Variants in ZNF346 observed in about 807,000 individuals in gnomAD.
The protein encoded by ZNF346 is double-stranded RNA-binding zinc finger protein JAZ.
In ZNF346, 23 loss-of-function variants were observed where a neutral mutation model predicts 33.7. That is an observed-to-expected ratio of 0.68 (90% CI 0.49 to 0.97). ZNF346 has a LOEUF of 0.97. Among genes scored for constraint, ZNF346 ranks in the 50% least tolerant of loss-of-function variants. The pLI is 0.00. For missense variants in ZNF346, 340 were observed against 371.1 expected (o/e 0.92, Z 0.69); for synonymous variants, 134 against 142.4 (o/e 0.94, Z 0.42).
intron 8 of ZNF346, among the ~76,000 whole-genome samples, chr5:177,076,836 T>C (rs1035545666): frequency 5.9e-5 from 9 of 151,746 alleles, no homozygotes; most frequent in African/African-American, 2.2e-4. Flanking sequence ...AGGTCAGGAG[T>C]TTGAGACCAT....
intron 5 of ZNF346, among the ~76,000 whole-genome samples, chr5:177,059,447 C>T (rs1664189726): frequency 6.6e-6 from 1 of 152,200 alleles, no homozygotes; most frequent in Non-Finnish European, 1.5e-5. Context: ...GGGGCAAATG[C>T]ATCATCTACC....
chr5:177,031,755 C>A (rs577687819), intron 1 of ZNF346, among the ~76,000 whole-genome samples: 1 of 152,136 alleles, frequency 6.6e-6, no homozygotes, highest in Admixed American at 6.6e-5. Flanking sequence ...TGAAGTTTTT[C>A]CATAATCTCT....
intron 6 of ZNF346, among the ~76,000 whole-genome samples, chr5:177,062,953 T>C (rs1245981541): frequency 6.6e-6 from 1 of 152,202 alleles, no homozygotes; most frequent in Non-Finnish European, 1.5e-5. Context: ...AGAAGTAGGC[T>C]ATGGCACCAC....
At chr5:177,024,157 TACACACACACAC>T (rs144403449) in intron 1 of ZNF346, among the ~76,000 whole-genome samples, 1 of 121,360 alleles carries the variant, frequency 8.2e-6, no homozygotes, top group South Asian at 2.6e-4. Context: ...ATTTTATGTA[TACACACACACAC>T]ACACACACAC....
intron 1 of ZNF346, among the ~76,000 whole-genome samples, chr5:177,027,677 C>CTATT (rs1363052887): frequency 2.9e-5 from 4 of 135,984 alleles, no homozygotes; most frequent in African/African-American, 8.0e-5. Context: ...TTTAAATTCT[C>CTATT]TATTTATTTA....
intron 1 of ZNF346, 80 bp downstream of exon 1, chr5:177,022,993 C>T (rs1776052150): frequency 1.4e-6 from 2 of 1,440,054 alleles, no homozygotes; most frequent in Non-Finnish European, 1.8e-6. Context: ...CCGACGGTCA[C>T]ACCCCCTGGC....
chr5:177,037,898 G>C (rs1400346612), intron 1 of ZNF346, among the ~76,000 whole-genome samples: 1 of 152,066 alleles, frequency 6.6e-6, no homozygotes, highest in Non-Finnish European at 1.5e-5. Context: ...GCCTCATGCT[G>C]TCTCTCCAAC....
intron 1 of ZNF346, among the ~76,000 whole-genome samples, chr5:177,035,935 G>A (rs6875788): frequency 0.13 from 19,854 of 151,650 alleles, 3,064 homozygotes; most frequent in African/African-American, 0.37. Context: ...TACCGCACCC[G>A]GCCTAATTGA....
chr5:177,069,808 C>T (rs539268303), downstream of ZNF346, among the ~76,000 whole-genome samples: 17 of 152,230 alleles, frequency 1.1e-4, no homozygotes, highest in African/African-American at 3.1e-4. Context: ...ACTACAGGCA[C>T]ATGCCACCAT....
At chr5:177,025,877 A>T (rs1158306200) in intron 1 of ZNF346, among the ~76,000 whole-genome samples, 4 of 152,254 alleles carry the variant, frequency 2.6e-5, no homozygotes, top group African/African-American at 9.6e-5. Flanking sequence ...AGTTTTGATG[A>T]GATTAAATTT....
intron 5 of ZNF346, among the ~76,000 whole-genome samples, chr5:177,052,138 C>T (rs1040373233): frequency 1.3e-5 from 2 of 151,908 alleles, no homozygotes; most frequent in Non-Finnish European, 2.9e-5. Flanking sequence ...GTATTCCAAC[C>T]TGAGTGAGAG....
At chr5:177,043,969 T>C (rs1451452500) in intron 3 of ZNF346, among the ~76,000 whole-genome samples, 2 of 152,102 alleles carry the variant, frequency 1.3e-5, no homozygotes, top group Non-Finnish European at 1.5e-5. Flanking sequence ...GTCTATTTAA[T>C]GTACTCTGGG....
At chr5:177,054,035 G>A (rs1397530608) in intron 5 of ZNF346, among the ~76,000 whole-genome samples, 1 of 151,922 alleles carries the variant, frequency 6.6e-6, no homozygotes, top group East Asian at 1.9e-4. Flanking sequence ...ACTCAGAATA[G>A]CCAGCACTTT....
intron 4 of ZNF346, among the ~76,000 whole-genome samples, chr5:177,047,456 C>T (rs1780236126): frequency 6.6e-6 from 1 of 151,858 alleles, no homozygotes; most frequent in Non-Finnish European, 1.5e-5. Flanking sequence ...CTCCTGCTTC[C>T]ACCTGCTGAA....
At chr5:177,029,980 C>T (rs1396065308) in intron 1 of ZNF346, among the ~76,000 whole-genome samples, 1 of 152,142 alleles carries the variant, frequency 6.6e-6, no homozygotes, top group Admixed American at 6.6e-5. Flanking sequence ...AATTAGGGGA[C>T]ACCAACTGGT....
chr5:177,068,666 G>T (rs1007714034), downstream of ZNF346, among the ~76,000 whole-genome samples: 1 of 143,160 alleles, frequency 7.0e-6, no homozygotes, highest in Non-Finnish European at 1.5e-5. Context: ...CTGATTTGGG[G>T]CCTGGGTCAT....
intron 5 of ZNF346, 100 bp from the exon 6 acceptor site, chr5:177,061,958 C>A: frequency 9.8e-7 from 1 of 1,025,244 alleles, no homozygotes; most frequent in Non-Finnish European, 1.5e-6. Context: ...CCTCGCCTCA[C>A]CTGTCCGTCC....
chr5:177,057,383 G>C (rs1240819557), intron 5 of ZNF346, among the ~76,000 whole-genome samples: 1 of 151,810 alleles, frequency 6.6e-6, no homozygotes, highest in Non-Finnish European at 1.5e-5. Context: ...CTAAAACTAA[G>C]TTGTATATTA....
chr5:177,050,718 T>C (rs765309034), intron 4 of ZNF346, 33 bp from the exon 5 acceptor site: 1 of 1,614,022 alleles, frequency 6.2e-7, no homozygotes, highest in Non-Finnish European at 8.5e-7. Context: ...TCAAAACGCC[T>C]TACAAATCCT....
Sources: allele counts gnomAD v4.1 joint callset (sites outside exome capture counted in the v4.1 genomes callset), GRCh38; gene constraint gnomAD v4.1.1; transcripts MANE v1.5; gene names NCBI Gene and HGNC (gene_info 2026-07-23, HGNC 2026-07-21).